SKA3: variants seen among roughly 807,000 people sequenced by gnomAD.
SKA3 encodes the protein spindle and kinetochore associated complex subunit 3, also known as spindle and kinetochore-associated protein 3.
In SKA3, 39 loss-of-function variants were observed where a neutral mutation model predicts 44.2. The observed-to-expected ratio is 0.88, with a 90% CI of 0.68 to 1.15. The LOEUF (loss-of-function observed/expected upper bound fraction) is 1.15. Among genes scored for constraint, SKA3 ranks in the 50% most tolerant of loss-of-function variants. The pLI is 0.00. For missense variants in SKA3, 511 were observed against 485.8 expected, an observed-to-expected ratio of 1.05 and a Z score of -0.49; for synonymous variants, 192 against 172.0, an observed-to-expected ratio of 1.12 and a Z score of -0.91.
At chr13:21,176,273 G>C in intron 1 of SKA3, 102 bp downstream of exon 1, 2 of 907,140 alleles carry the variant, frequency 2.2e-6, no homozygotes, top group Non-Finnish European at 3.0e-6. Flanking sequence ...CGTCCACGCC[G>C]TCAGTGCCTG....
At chr13:21,165,502 T>C (rs1381205960) in intron 4 of SKA3, among the ~76,000 whole-genome samples, 1 of 152,156 alleles carries the variant, frequency 6.6e-6, no homozygotes, top group Non-Finnish European at 1.5e-5. Context: ...TATATCTTCT[T>C]TCAGCCTCTT....
At chr13:21,161,263 C>T (rs1870422860) in intron 5 of SKA3, among the ~76,000 whole-genome samples, 1 of 152,230 alleles carries the variant, frequency 6.6e-6, no homozygotes, top group Admixed American at 6.5e-5. Flanking sequence ...GAGTGAGACC[C>T]TGTCTCAAAG....
At chr13:21,162,712 T>C (rs1870505805) in intron 4 of SKA3, among the ~76,000 whole-genome samples, 1 of 152,096 alleles carries the variant, frequency 6.6e-6, no homozygotes, top group Admixed American at 6.5e-5. Flanking sequence ...AAAGTGTGTA[T>C]ACAGTATGGC....
chr13:21,161,890 A>C lies in SKA3; in HGVS notation c.744-15T>G. 5.1e-6 allele frequency: 6 copies of C among 1,178,066 alleles called. No individual in the cohort carries two copies. The highest frequency in any genetic ancestry group is 4.0e-5 in the East Asian group (1 of 25,038). The allele number at this position is 1,178,066 out of a possible 1,614,324, so 73.0% of individuals were successfully genotyped here. On this transcript the variant is annotated splice_polypyrimidine_tract_variant and intron_variant, in intron 4 of 8. Transcript: ENST00000314759. ...TGGCCTCCTCACTGGTGTGATTCAT[A>C]GGGAAATTACAAGGTTAAAAAAGTT... is the stretch of plus-strand genomic sequence containing the variant.
At chr13:21,171,218 A>G (rs1871024935) in intron 3 of SKA3, among the ~76,000 whole-genome samples, 1 of 152,152 alleles carries the variant, frequency 6.6e-6, no homozygotes, top group South Asian at 2.1e-4. Context: ...CCCGTCTCAC[A>G]TGGACTGTTT....
intron 1 of SKA3, among the ~76,000 whole-genome samples, chr13:21,174,882 T>C (rs1871362101): frequency 6.6e-6 from 1 of 152,134 alleles, no homozygotes; most frequent in South Asian, 2.1e-4. Flanking sequence ...TGTACTACAT[T>C]GAGATTTAAT....
At chr13:21,176,348 C>A in intron 1 of SKA3, 27 bp downstream of exon 1, 1 of 1,216,094 alleles carries the variant, frequency 8.2e-7, no homozygotes, top group East Asian at 4.2e-5. Flanking sequence ...CCCCACGCAC[C>A]GTGCCCTGGC....
rs1257203016 is a variant in SKA3, at chr13:21,155,726, T to C, written c.1205A>G (p.Gln402Arg). 1 of 1,610,050 alleles carries C rather than the reference T, an allele frequency of 6.2e-7. No homozygotes were observed. Among genetic ancestry groups the C allele is most frequent in the East Asian group, 2.2e-5 (1 of 44,874 alleles). Residue 402 changes from glutamine to arginine, a missense_variant, in exon 8 of 9, where the codon CAG becomes CGG. Physicochemically the swap from Gln to Arg is conservative, Grantham distance 43. Transcript: ENST00000314759. ...TTTGTTGCTGACATCTCGGATGTTC[T>C]GTCCATGTTTAAGGAACCTTTTACT... ...PPSKRFLKHG[Q>R]NIRDVSNKEN is the part of the protein sequence containing the mutation.
intron 6 of SKA3, 55 bp downstream of exon 6, chr13:21,159,847 G>A (rs1405980738): frequency 8.8e-7 from 1 of 1,142,250 alleles, no homozygotes; most frequent in African/African-American, 1.6e-5. Flanking sequence ...GCAAGCAGTA[G>A]TGTATTTGAG....
chr13:21,154,816 G>A lies in SKA3; in HGVS notation c.*334C>T, dbSNP rs144216303. The A allele has an allele frequency of 2.9e-4, 126 of 427,168 alleles. No homozygotes were observed. The highest frequency in any genetic ancestry group is 2.5e-3 in the African/African-American group (121 of 47,840). 26.5% of individuals were successfully genotyped at this position (427,168 alleles called of 1,614,324 possible). On this transcript the variant is annotated 3_prime_UTR_variant, in exon 9 of 9. Coordinates refer to ENST00000314759, the MANE Select transcript of SKA3 (RefSeq NM_145061.6). ...CAGAAGGTCAGGGGCGGCCTCATCT[G>A]AGTAGCAAACACCTTTATATTTTTG...
intron 1 of SKA3, among the ~76,000 whole-genome samples, chr13:21,175,095 G>C (rs1871383280): frequency 6.6e-6 from 1 of 151,828 alleles, no homozygotes. Context: ...TCCCACCTCA[G>C]CCTCCGAGTA....
At chr13:21,162,568 A>C (rs1487507556) in intron 4 of SKA3, among the ~76,000 whole-genome samples, 1 of 152,068 alleles carries the variant, frequency 6.6e-6, no homozygotes, top group African/African-American at 2.4e-5. Flanking sequence ...GGGTTTCACC[A>C]TGTTGGCCAG....
chr13:21,155,810 AG>A lies in SKA3; in HGVS notation c.1120del (p.Leu374PhefsTer9). ...VTKIPEDILQ[L>X]LSKYNSNLAT... ...TAGGTTTGAGTTGTATTTTGATAAA[AG>A]CTAAAAAAAAAAAAGGAAATTCCTT... On this transcript the variant is annotated frameshift_variant and splice_region_variant, in exon 8 of 9. Coordinates refer to ENST00000314759, the MANE Select transcript of SKA3 (RefSeq NM_145061.6). LOFTEE classifies it high-confidence loss of function. The A allele has an allele frequency of 7.4e-7, 1 of 1,353,550 alleles. No homozygotes were observed. The allele number at this position is 1,353,550 out of a possible 1,614,324, so 83.8% of individuals were successfully genotyped here. A position where few individuals can be genotyped will look rare whatever the true frequency, so the allele number is the denominator to read the frequency against.
intron 7 of SKA3, among the ~76,000 whole-genome samples, chr13:21,157,428 C>T (rs989425068): frequency 6.6e-5 from 10 of 152,194 alleles, no homozygotes; most frequent in African/African-American, 2.2e-4. Flanking sequence ...CTGAATAGTG[C>T]AGGCACTTGC....
chr13:21,161,738 A>G (rs1870447119), intron 5 of SKA3, 52 bp downstream of exon 5: 1 of 1,359,912 alleles, frequency 7.4e-7, no homozygotes, highest in African/African-American at 1.4e-5. Context: ...ATTTTGTTCA[A>G]AGATAGTTTG....
rs142246615 is a variant in SKA3, at chr13:21,169,838, A to G, written c.332-1439T>C. Among the ~76,000 whole-genome samples the G allele has an allele frequency of 2.8e-4, 42 of 152,150 alleles. No homozygotes were observed. In the East Asian group the frequency reaches 7.8e-3, roughly 28 times the overall value. On this transcript the variant is annotated intron_variant, in intron 3 of 8. Transcript: ENST00000314759. ...CTTTTTGTAGAGATAGGGTTTCGCC[A>G]TGTTGCCCAGGCTGGTCTTGAACTC...
intron 3 of SKA3, among the ~76,000 whole-genome samples, chr13:21,171,280 G>A (rs1595305649): frequency 6.6e-6 from 1 of 152,094 alleles, no homozygotes; most frequent in East Asian, 1.9e-4. Flanking sequence ...TTTAATAACA[G>A]AAATGAAGAC....
At chr13:21,163,921 G>A (rs970680942) in intron 4 of SKA3, among the ~76,000 whole-genome samples, 1 of 151,768 alleles carries the variant, frequency 6.6e-6, no homozygotes, top group Admixed American at 6.6e-5. Flanking sequence ...CCGTCACCAC[G>A]CCCGGCTAAT....
chr13:21,165,317 G>C (rs1748818759), intron 4 of SKA3, among the ~76,000 whole-genome samples: 1 of 151,872 alleles, frequency 6.6e-6, no homozygotes, highest in African/African-American at 2.4e-5. Flanking sequence ...TACTCCTTGG[G>C]AAGCTGAGGC....
Sources: gnomAD v4.1 joint callset for allele counts (sites outside exome capture counted in the v4.1 genomes callset) on GRCh38, gnomAD v4.1.1 for gene constraint, MANE v1.5 for transcripts, NCBI Gene and HGNC (gene_info 2026-07-23, HGNC 2026-07-21) for gene names.